ERBB4: variants seen among roughly 807,000 people sequenced by gnomAD.
The protein encoded by ERBB4 is receptor tyrosine-protein kinase erbB-4.
ERBB4 carries 42 observed loss-of-function variants against 158.0 expected under a neutral mutation model. The observed-to-expected ratio is 0.27, with a 90% CI of 0.21 to 0.34. The LOEUF (loss-of-function observed/expected upper bound fraction) is 0.34. ERBB4 is among the 10% of genes least tolerant of loss of function. The probability of loss-of-function intolerance (pLI) is 1.00; values close to 1 mark genes in which losing one functional copy is unlikely to be tolerated. For synonymous variants in ERBB4, 583 were observed against 558.7 expected (o/e 1.04, Z -0.61); for missense variants, 1,333 against 1,624.1 (o/e 0.82, Z 3.08).
At chr2:211,872,064 C>T (rs1308231527) in intron 3 of ERBB4, among the ~76,000 whole-genome samples, 1 of 134,458 alleles carries the variant, frequency 7.4e-6, no homozygotes, top group African/African-American at 2.7e-5. Flanking sequence ...TCAATAATTG[C>T]TTTTAATGAT....
At chr2:212,400,463 T>C (rs1412800995) in intron 1 of ERBB4, among the ~76,000 whole-genome samples, 1 of 152,184 alleles carries the variant, frequency 6.6e-6, no homozygotes, top group African/African-American at 2.4e-5. Context: ...TTTATTTTTA[T>C]AGAATACAAA....
At chr2:212,330,943 C>G (rs994392498) in intron 1 of ERBB4, among the ~76,000 whole-genome samples, 6 of 150,436 alleles carry the variant, frequency 4.0e-5, no homozygotes, top group South Asian at 2.1e-4. Context: ...CTGGGGTCAA[C>G]AAGCAGCAAG....
rs138285822 is a variant in ERBB4 at position 211,508,062 on chromosome 2, A to T, written c.2487+53841T>A. Among the ~76,000 whole-genome samples the T allele has an allele frequency of 7.0e-3, 1,068 of 152,260 alleles. 6 individuals carry two copies. Among genetic ancestry groups the T allele is most frequent in the Non-Finnish European group, 0.012 (812 of 68,024 alleles). On this transcript the variant is annotated intron_variant, in intron 20 of 27. Transcript: ENST00000342788. Reference sequence around the variant, plus strand: ...GAAAACCTAGGCAATACCATTCAGGACATAGGCATGGGCAAAGACTTCATG... The same window carrying T: ...GAAAACCTAGGCAATACCATTCAGGTCATAGGCATGGGCAAAGACTTCATG...
At chr2:212,485,291 G>A (rs1331879590) in intron 1 of ERBB4, among the ~76,000 whole-genome samples, 2 of 152,122 alleles carry the variant, frequency 1.3e-5, no homozygotes, top group Non-Finnish European at 1.5e-5. Context: ...CTTTACAAAG[G>A]TAGAGTCAGT....
rs2072988663 is a variant in ERBB4 at position 211,695,640 on chromosome 2, A to G, written c.1489+6327T>C. Among the ~76,000 whole-genome samples the G allele has an allele frequency of 2.0e-5, 3 of 152,242 alleles. No homozygotes were observed. In the South Asian group the frequency reaches 6.2e-4, roughly 32 times the overall value. ...TTCTTCAATGTCTAGCCTCCTGTTA[A>G]TAACATAATAACTAATATTCCTTCC... On this transcript the variant is annotated intron_variant, in intron 12 of 27. Coordinates refer to ENST00000342788, the MANE Select transcript of ERBB4 (RefSeq NM_005235.3).
chr2:211,763,155 A>C (rs534395893), intron 4 of ERBB4, among the ~76,000 whole-genome samples: 1 of 152,272 alleles, frequency 6.6e-6, no homozygotes, highest in Non-Finnish European at 1.5e-5. Context: ...AAGATAGACT[A>C]TGAATATTCC....
At position 211,665,402 on chromosome 2, in the gene ERBB4, G is replaced by C. The variant is rs755854720; in HGVS notation, c.1792C>G (p.Gln598Glu). 1 of 1,614,058 alleles carries C rather than the reference G, an allele frequency of 6.2e-7. No homozygotes were observed. ...NCVEKCPDGL[Q>E]GANSFIFKYA... is the part of the protein sequence containing the mutation. ...TTGAAAATGAAACTGTTTGCCCCCTGTAAGCCATCTGGACATTTTTCCACA... is the reference window on the plus strand; with the variant it reads ...TTGAAAATGAAACTGTTTGCCCCCTCTAAGCCATCTGGACATTTTTCCACA... Residue 598 changes from glutamine to glutamate, a missense_variant, in exon 15 of 28, where the codon CAG (glutamine) becomes GAG (glutamate). Physicochemically the swap from Gln to Glu is conservative, Grantham distance 29. Transcript: ENST00000342788.
At chr2:211,828,666 A>G (rs2077155625) in intron 3 of ERBB4, among the ~76,000 whole-genome samples, 1 of 152,158 alleles carries the variant, frequency 6.6e-6, no homozygotes, top group South Asian at 2.1e-4. Flanking sequence ...CCCTAGATGA[A>G]ACTGAGTGCC....
intron 1 of ERBB4, among the ~76,000 whole-genome samples, chr2:212,374,245 C>T (rs2090242025): frequency 6.6e-6 from 1 of 151,148 alleles, no homozygotes; most frequent in Non-Finnish European, 1.5e-5. Context: ...TATTATATTA[C>T]ATCCATGGCT....
chr2:212,445,304 G>A (rs1413522018), intron 1 of ERBB4, among the ~76,000 whole-genome samples: 1 of 152,122 alleles, frequency 6.6e-6, no homozygotes, highest in African/African-American at 2.4e-5. Flanking sequence ...GAATCAAGGG[G>A]TAGAAGTAAA....
chr2:212,191,207 T>A (rs567339977), intron 1 of ERBB4, among the ~76,000 whole-genome samples: 6 of 152,262 alleles, frequency 3.9e-5, no homozygotes, highest in Admixed American at 1.3e-4. Context: ...ATATTGCATG[T>A]CATATCCCCT....
At chr2:211,993,294 C>T (rs1005456497) in intron 2 of ERBB4, among the ~76,000 whole-genome samples, 17 of 152,116 alleles carry the variant, frequency 1.1e-4, no homozygotes, top group Admixed American at 3.9e-4. Context: ...ATGCTCACAG[C>T]GGAAAAGCCA....
chr2:212,291,988 C>T (rs2086224325), intron 1 of ERBB4, among the ~76,000 whole-genome samples: 1 of 151,906 alleles, frequency 6.6e-6, no homozygotes, highest in South Asian at 2.1e-4. Context: ...ATCTGTTATA[C>T]AGATGAAAGA....
intron 20 of ERBB4, among the ~76,000 whole-genome samples, chr2:211,447,306 C>G (rs1210131327): frequency 6.6e-6 from 1 of 151,938 alleles, no homozygotes; most frequent in East Asian, 1.9e-4. Flanking sequence ...TTTACCCATT[C>G]AAATAGTTCA....
At position 211,380,925 on chromosome 2, in the gene ERBB4, A is replaced by G. The variant is rs919478660; in HGVS notation, c.*2690T>C. On this transcript the variant is annotated 3_prime_UTR_variant, in exon 28 of 28. Coordinates refer to ENST00000342788, the MANE Select transcript of ERBB4 (RefSeq NM_005235.3). The stretch of plus-strand genomic sequence containing the variant: ...TTCTGCTTTCTATAGCCCAGTAGAA[A>G]CCATATGCATATTGTAAATCAGAAA... The G allele has an allele frequency of 1.3e-5, 3 of 232,080 alleles. No individual in the cohort carries two copies. The highest frequency in any genetic ancestry group is 1.7e-5 in the Non-Finnish European group (2 of 117,446). The allele number at this position is 232,080 out of a possible 1,614,324, so 14.4% of individuals were successfully genotyped here.
rs1260865838 is a variant in ERBB4 at position 211,386,920 on chromosome 2, T to C, written c.3414A>G (p.Glu1138=). 6.2e-7 allele frequency: 1 copy of C among 1,614,126 alleles called. No homozygotes were observed. The highest frequency in any genetic ancestry group is 2.2e-5 in the East Asian group (1 of 44,870). ...YSADPTVFAP[E]RSPRGELDEE... The stretch of plus-strand genomic sequence containing the variant: ...CATCCAGCTCTCCTCGTGGGCTCCG[T>C]TCTGGGGCAAACACGGTGGGGTCAG... The change falls in exon 27 of 28, where the codon GAA becomes GAG. Residue 1138 remains glutamate (E), a synonymous_variant. Transcript: ENST00000342788.
At chr2:211,803,597 C>T (rs1348880334) in intron 3 of ERBB4, among the ~76,000 whole-genome samples, 1 of 152,174 alleles carries the variant, frequency 6.6e-6, no homozygotes, top group Non-Finnish European at 1.5e-5. Context: ...AATGTGAACT[C>T]AGGGTTGCCA....
At chr2:211,852,617 T>C (rs2077746123) in intron 3 of ERBB4, among the ~76,000 whole-genome samples, 1 of 146,332 alleles carries the variant, frequency 6.8e-6, no homozygotes, top group Non-Finnish European at 1.5e-5. Flanking sequence ...GGACTTACTG[T>C]ACATGGTACA....
intron 2 of ERBB4, among the ~76,000 whole-genome samples, chr2:212,055,531 T>A (rs2077533637): frequency 6.6e-6 from 1 of 152,108 alleles, no homozygotes; most frequent in Non-Finnish European, 1.5e-5. Flanking sequence ...CACCCTCCAG[T>A]AGGGGCAGAC....
Sources: allele counts gnomAD v4.1 joint callset (sites outside exome capture counted in the v4.1 genomes callset), GRCh38; gene constraint gnomAD v4.1.1; transcripts MANE v1.5; gene names NCBI Gene and HGNC (gene_info 2026-07-23, HGNC 2026-07-21).